The following GLYATL3 variants were observed in gnomAD, a reference collection of about 807,000 sequenced individuals.
GLYATL3 encodes the protein glycine N-acyltransferase-like protein 3.
Under a neutral mutation model 28.5 loss-of-function variants are expected in GLYATL3, and 31 were observed. The ratio of observed to expected loss-of-function variants is 1.09; its 90% CI spans 0.82 to 1.47. The LOEUF (loss-of-function observed/expected upper bound fraction) is 1.47, where lower values mean the gene tolerates loss of function less well. Among genes scored for constraint, GLYATL3 ranks in the 40% most tolerant of loss-of-function variants. The pLI is 0.00. For missense variants in GLYATL3, 369 were observed against 351.5 expected, an observed-to-expected ratio of 1.05 and a Z score of -0.40; for synonymous variants, 141 against 140.2, an observed-to-expected ratio of 1.01 and a Z score of -0.04.
At chr6:49,521,888 A>G (rs1198628943) in intron 5 of GLYATL3, 117 bp downstream of exon 5, 11 of 865,226 alleles carry the variant, frequency 1.3e-5, no homozygotes, top group South Asian at 1.2e-4. Context: ...GATTTCAACC[A>G]TTGAGCACAA....
chr6:49,514,381 A>G (rs1424164810), intron 2 of GLYATL3, among the ~76,000 whole-genome samples: 1 of 152,224 alleles, frequency 6.6e-6, no homozygotes, highest in Non-Finnish European at 1.5e-5. Flanking sequence ...ATGTGCGACA[A>G]TGTACTTATT....
chr6:49,502,200 A>AT (rs1463725790), intron 1 of GLYATL3, among the ~76,000 whole-genome samples: 1 of 152,172 alleles, frequency 6.6e-6, no homozygotes, highest in Non-Finnish European at 1.5e-5. Context: ...ATTGAAGAAT[A>AT]TTTTTTCCAA....
chr6:49,500,519 G>C (rs1034841614), intron 1 of GLYATL3, among the ~76,000 whole-genome samples: 5 of 152,162 alleles, frequency 3.3e-5, no homozygotes, highest in African/African-American at 1.2e-4. Context: ...TCCCAGGAGA[G>C]TGTCATGCTT....
chr6:49,507,391 C>T (rs1196988929), intron 1 of GLYATL3, among the ~76,000 whole-genome samples: 2 of 152,078 alleles, frequency 1.3e-5, no homozygotes, highest in African/African-American at 4.8e-5. Context: ...GTCAGGGAAC[C>T]AAGGACAATA....
intron 1 of GLYATL3, among the ~76,000 whole-genome samples, chr6:49,506,293 G>A (rs1769009860): frequency 6.6e-6 from 1 of 152,112 alleles, no homozygotes; most frequent in South Asian, 2.1e-4. Context: ...TTTAGTGGGG[G>A]CAGCAATTAG....
Position 49,517,671 on chromosome 6 carries a change from C to A in GLYATL3, c.313+115C>A, listed in dbSNP as rs2501969. The A allele has an allele frequency of 0.42, 288,035 of 685,754 alleles. 64,553 individuals are homozygous for A. The highest frequency in any genetic ancestry group is 0.68 in the East Asian group (22,404 of 33,064). The allele number at this position is 685,754 out of a possible 1,614,324, so 42.5% of individuals were successfully genotyped here. On this transcript the variant is annotated intron_variant, in intron 4 of 5. Transcript: ENST00000371197. Reference sequence around the variant, plus strand: ...AAATATATAGATTATCTATACACACCTGTATGTATAAATACATACACATAC... The same window carrying A: ...AAATATATAGATTATCTATACACACATGTATGTATAAATACATACACATAC...
At chr6:49,504,541 T>C (rs1015690943) in intron 1 of GLYATL3, among the ~76,000 whole-genome samples, 1 of 152,132 alleles carries the variant, frequency 6.6e-6, no homozygotes, top group Non-Finnish European at 1.5e-5. Flanking sequence ...AGAACTAGAT[T>C]TAGGAATATT....
At chr6:49,503,762 C>G (rs1768957691) in intron 1 of GLYATL3, among the ~76,000 whole-genome samples, 1 of 152,148 alleles carries the variant, frequency 6.6e-6, no homozygotes, top group South Asian at 2.1e-4. Flanking sequence ...TTTGATCTGT[C>G]TTAGAGGTTT....
chr6:49,521,152 G>C (rs960507559), intron 4 of GLYATL3, among the ~76,000 whole-genome samples: 3 of 152,152 alleles, frequency 2.0e-5, no homozygotes, highest in Non-Finnish European at 4.4e-5. Flanking sequence ...ATCTGGGTGA[G>C]GTAAGTTCAG....
Position 49,527,314 on chromosome 6 carries a change from C to G in GLYATL3, c.*400C>G, listed in dbSNP as rs889122816. Among the ~76,000 whole-genome samples, 5 of 152,176 alleles carry G rather than the reference C, an allele frequency of 3.3e-5. No individual in the cohort carries two copies. Among genetic ancestry groups the G allele is most frequent in the African/African-American group, 1.2e-4 (5 of 41,424 alleles). On this transcript the variant is annotated 3_prime_UTR_variant, in exon 6 of 6. Coordinates refer to ENST00000371197, the MANE Select transcript of GLYATL3 (RefSeq NM_001010904.2). ...CTGTATTCTTAAAGCCACACCGCTT[C>G]CCTACTGCCATCATATTCCCCTGTC...
Position 49,527,050 on chromosome 6 carries a change from A to G in GLYATL3, c.*136A>G. 1.5e-6 allele frequency: 1 copy of G among 665,778 alleles called. No individual in the cohort carries two copies. The highest frequency in any genetic ancestry group is 2.5e-6 in the Non-Finnish European group (1 of 406,736). The allele number at this position is 665,778 out of a possible 1,614,324, so 41.2% of individuals were successfully genotyped here. On this transcript the variant is annotated 3_prime_UTR_variant, in exon 6 of 6. Coordinates refer to ENST00000371197, the MANE Select transcript of GLYATL3 (RefSeq NM_001010904.2). ...AAAGGGTCTGGAGAATATATACAGGATCCACTTGAGAAGCCTTAATTTTTC... is the reference window on the plus strand; with the variant it reads ...AAAGGGTCTGGAGAATATATACAGGGTCCACTTGAGAAGCCTTAATTTTTC...
At chr6:49,521,540 A>T (rs1330518030) in intron 4 of GLYATL3, 105 bp from the exon 5 acceptor site, 9 of 892,414 alleles carry the variant, frequency 1.0e-5, no homozygotes, top group Non-Finnish European at 1.5e-5. Context: ...AAGGTGGCAA[A>T]CTGCTAGTAT....
At chr6:49,501,683 C>G (rs1010531569) in intron 1 of GLYATL3, among the ~76,000 whole-genome samples, 28 of 152,140 alleles carry the variant, frequency 1.8e-4, no homozygotes, top group Non-Finnish European at 7.3e-5. Context: ...GCAGCAAAAG[C>G]TGGTTACAAA....
At chr6:49,514,760 G>A (rs1467272480) in intron 2 of GLYATL3, among the ~76,000 whole-genome samples, 1 of 152,138 alleles carries the variant, frequency 6.6e-6, no homozygotes, top group African/African-American at 2.4e-5. Flanking sequence ...TTGAACCCAG[G>A]AGGCGGAGGT....
At chr6:49,501,782 GA>G (rs1333748526) in intron 1 of GLYATL3, among the ~76,000 whole-genome samples, 1 of 152,208 alleles carries the variant, frequency 6.6e-6, no homozygotes, top group East Asian at 1.9e-4. Flanking sequence ...AAGAGGCCTA[GA>G]AGAGCTGTGG....
chr6:49,525,083 A>G (rs919910323), intron 5 of GLYATL3, among the ~76,000 whole-genome samples: 2 of 133,280 alleles, frequency 1.5e-5, no homozygotes, highest in African/African-American at 5.8e-5. Context: ...CAGAAGTTCT[A>G]TTCTAAAACA....
Position 49,526,948 on chromosome 6 carries a change from C to G in GLYATL3, c.*34C>G. 2 of 1,421,222 alleles carry G rather than the reference C, an allele frequency of 1.4e-6. No individual in the cohort carries two copies. Among genetic ancestry groups the G allele is most frequent in the Non-Finnish European group, 1.9e-6 (2 of 1,069,106 alleles). 88.0% of individuals were successfully genotyped at this position (1,421,222 alleles called of 1,614,324 possible). On this transcript the variant is annotated 3_prime_UTR_variant, in exon 6 of 6. Transcript: ENST00000371197. The stretch of plus-strand genomic sequence containing the variant: ...AAAACTGCAGTGGTTTTATTACTTT[C>G]CCTGAGCATACACACACTCTTGGCT...
intron 1 of GLYATL3, among the ~76,000 whole-genome samples, chr6:49,501,702 A>C (rs1309780974): frequency 6.6e-6 from 1 of 152,246 alleles, no homozygotes; most frequent in African/African-American, 2.4e-5. Flanking sequence ...AACAATCCAT[A>C]GAAACAGGAT....
intron 3 of GLYATL3, among the ~76,000 whole-genome samples, chr6:49,516,452 G>T (rs1035718028): frequency 6.6e-6 from 1 of 152,092 alleles, no homozygotes; most frequent in Non-Finnish European, 1.5e-5. Flanking sequence ...GTATTTGGAA[G>T]AAGAGTGAAG....
Sources: allele counts gnomAD v4.1 joint callset (sites outside exome capture counted in the v4.1 genomes callset), GRCh38; gene constraint gnomAD v4.1.1; transcripts MANE v1.5; gene names NCBI Gene and HGNC (gene_info 2026-07-23, HGNC 2026-07-21).